Variants in CRYBA4 observed in about 807,000 individuals in gnomAD.
CRYBA4 encodes crystallin beta A4, also known as beta-crystallin A4.
CRYBA4 carries 30 observed loss-of-function variants against 31.7 expected under a neutral mutation model. That is an observed-to-expected ratio of 0.95 (90% CI 0.71 to 1.28). CRYBA4 has a LOEUF of 1.28. Among genes scored for constraint, CRYBA4 ranks in the 50% most tolerant of loss-of-function variants. The pLI is 0.00. For missense variants in CRYBA4, 225 were observed against 260.7 expected, an observed-to-expected ratio of 0.86 and a Z score of 0.94; for synonymous variants, 102 against 102.3, an observed-to-expected ratio of 1.00 and a Z score of 0.02.
rs146421952 is a variant in CRYBA4 at position 26,630,369 on chromosome 22, G to A, written c.473G>A (p.Arg158Gln). ...AWVCSQFPGY[R>Q]GFQYVLECDH... ...GTTTGCTCCCAGTTTCCGGGCTACCGAGGATTTCAGTATGTGCTGGAATGC... is the reference window on the plus strand; with the variant it reads ...GTTTGCTCCCAGTTTCCGGGCTACCAAGGATTTCAGTATGTGCTGGAATGC... The change falls in exon 6 of 6, where the codon CGA becomes CAA. Residue 158 changes from arginine to glutamine, a missense_variant. Arg to Gln is a conservative substitution (Grantham distance 43, BLOSUM62 1). Coordinates refer to ENST00000354760, the MANE Select transcript of CRYBA4 (RefSeq NM_001886.3). 9 of 1,614,094 alleles carry A rather than the reference G, an allele frequency of 5.6e-6. No homozygotes were observed. In the East Asian group the frequency reaches 6.7e-5, roughly 12 times the overall value.
the CRYBA4 span, chr22:26,612,097 G>A: frequency 2.3e-5 from 37 of 1,613,306 alleles, no homozygotes; most frequent in African/African-American, 9.4e-5. Context: ...ATGATGCTGC[G>A]CACACGGTCG....
chr22:26,629,839 C>G (rs977232053), intron 5 of CRYBA4, among the ~76,000 whole-genome samples: 2 of 151,810 alleles, frequency 1.3e-5, no homozygotes, highest in Non-Finnish European at 1.5e-5. Context: ...AACAAGACTT[C>G]CCATTCCTTC....
chr22:26,624,025 G>T (rs1419347604), intron 3 of CRYBA4, among the ~76,000 whole-genome samples: 1 of 152,224 alleles, frequency 6.6e-6, no homozygotes, highest in African/African-American at 2.4e-5. Flanking sequence ...ATTTATTTAA[G>T]TTTAAATTTA....
At position 26,627,057 on chromosome 22, in the gene CRYBA4, AG is replaced by A. The variant is rs532180860; in HGVS notation, c.301-1230del. Among the ~76,000 whole-genome samples, 41 of 152,296 alleles carry A rather than the reference AG, an allele frequency of 2.7e-4. No homozygotes were observed. In the East Asian group the frequency reaches 7.3e-3, roughly 27 times the overall value. ...TGTTCATTTATTCTGCAAACAGTCT[AG>A]ATATTGTGCTAATATAGGGACCCGT... On this transcript the variant is annotated intron_variant, in intron 4 of 5. Coordinates refer to ENST00000354760, the MANE Select transcript of CRYBA4 (RefSeq NM_001886.3).
chr22:26,619,495 C>T (rs1929464807), upstream of CRYBA4, among the ~76,000 whole-genome samples: 1 of 152,188 alleles, frequency 6.6e-6, no homozygotes. Context: ...AGTCGGCTCC[C>T]CAGTCCCAGG....
At chr22:26,619,512 A>G (rs1929465512), upstream of CRYBA4, among the ~76,000 whole-genome samples, 1 of 152,158 alleles carries the variant, frequency 6.6e-6, no homozygotes, top group Non-Finnish European at 1.5e-5. Flanking sequence ...CAGGCAGGGT[A>G]TATTGCGGGG....
Position 26,628,389 on chromosome 22 carries a change from G to C in CRYBA4, c.402G>C (p.Trp134Cys). 1 of 1,614,066 alleles carries C rather than the reference G, an allele frequency of 6.2e-7. No homozygotes were observed. The highest frequency in any genetic ancestry group is 8.5e-7 in the Non-Finnish European group (1 of 1,180,004). The change falls in exon 5 of 6, where the codon TGG becomes TGC. Residue 134 changes from tryptophan (W) to cysteine (C), a missense_variant. Transcript: ENST00000354760. ...DDYPSLQAMG[W>C]EGNEVGSFHV... ...ATCCTTCCCTCCAGGCCATGGGATGGGAAGGCAATGAAGTAGGGTCCTTCC... is the reference window on the plus strand; with the variant it reads ...ATCCTTCCCTCCAGGCCATGGGATGCGAAGGCAATGAAGTAGGGTCCTTCC...
At chr22:26,598,307 A>C in the CRYBA4 span, among the ~76,000 whole-genome samples, 3 of 152,302 alleles carry the variant, frequency 2.0e-5, no homozygotes, top group East Asian at 5.8e-4. Context: ...ATTTATTTAT[A>C]CGACTGCCTG....
At chr22:26,603,620 C>T in the CRYBA4 span, among the ~76,000 whole-genome samples, 1 of 150,856 alleles carries the variant, frequency 6.6e-6, no homozygotes, top group South Asian at 2.1e-4. Context: ...ATAAAACAGG[C>T]CTGGCCGGGC....
Position 26,625,640 on chromosome 22 carries a change from T to C in CRYBA4, c.300+18T>C. Reference sequence around the variant, plus strand: ...CCTGTGCTGTAAGTTCTACCACTGCTGCATCCCGGGGAGGCCCAAGCCCCT... The same window carrying C: ...CCTGTGCTGTAAGTTCTACCACTGCCGCATCCCGGGGAGGCCCAAGCCCCT... On this transcript the variant is annotated intron_variant, in intron 4 of 5. Coordinates refer to ENST00000354760, the MANE Select transcript of CRYBA4 (RefSeq NM_001886.3). 1 of 1,613,026 alleles carries C rather than the reference T, an allele frequency of 6.2e-7. No individual in the cohort carries two copies. The highest frequency in any genetic ancestry group is 8.5e-7 in the Non-Finnish European group (1 of 1,179,614).
chr22:26,625,653 G>A (rs1193468917), intron 4 of CRYBA4, 31 bp downstream of exon 4: 15 of 1,611,346 alleles, frequency 9.3e-6, no homozygotes, highest in Admixed American at 8.3e-5. Context: ...ATCCCGGGGA[G>A]GCCCAAGCCC....
intron 5 of CRYBA4, among the ~76,000 whole-genome samples, chr22:26,629,831 C>A (rs956104068): frequency 6.8e-6 from 1 of 146,980 alleles, no homozygotes; most frequent in African/African-American, 2.5e-5. Context: ...GGGGAAAGAA[C>A]AAGACTTCCC....
At chr22:26,603,537 C>T in the CRYBA4 span, among the ~76,000 whole-genome samples, 9 of 148,320 alleles carry the variant, frequency 6.1e-5, no homozygotes, top group African/African-American at 2.2e-4. Flanking sequence ...CAAACAACAA[C>T]AACAAAAAAG....
At chr22:26,622,763 G>A in intron 2 of CRYBA4, 128 bp downstream of exon 2, 1 of 772,874 alleles carries the variant, frequency 1.3e-6, no homozygotes. Flanking sequence ...GAGTTGAGAA[G>A]GGACTTGTAT....
the CRYBA4 span, among the ~76,000 whole-genome samples, chr22:26,613,018 C>A: frequency 6.6e-6 from 1 of 152,176 alleles, no homozygotes; most frequent in Non-Finnish European, 1.5e-5. Context: ...CATTACCCAG[C>A]CCCTCCAAAG....
chr22:26,599,480 A>AGGT, the CRYBA4 span: 1 of 1,604,114 alleles, frequency 6.2e-7, no homozygotes, highest in African/African-American at 1.3e-5. Flanking sequence ...TAGCAGAGTG[A>AGGT]GGTGTGGACT....
At chr22:26,599,621 G>T in the CRYBA4 span, 2 of 1,614,150 alleles carry the variant, frequency 1.2e-6, no homozygotes, top group African/African-American at 1.3e-5. Context: ...AAGTCACCAG[G>T]CTCTAGGAGG....
the CRYBA4 span, among the ~76,000 whole-genome samples, chr22:26,604,926 G>A: frequency 0.023 from 3,439 of 152,208 alleles, 124 homozygotes; most frequent in African/African-American, 0.078. Context: ...GACCCTACAA[G>A]ACCCTGGTCT....
At chr22:26,607,019 C>CTTTT in the CRYBA4 span, among the ~76,000 whole-genome samples, 15 of 111,958 alleles carry the variant, frequency 1.3e-4, no homozygotes, top group East Asian at 5.0e-4. Context: ...TATCCCTCTC[C>CTTTT]TTTTTTTTTT....
Sources: allele counts gnomAD v4.1 joint callset (sites outside exome capture counted in the v4.1 genomes callset), GRCh38; gene constraint gnomAD v4.1.1; transcripts MANE v1.5; gene names NCBI Gene and HGNC (gene_info 2026-07-23, HGNC 2026-07-21).